Variants in ACYP2 observed in about 807,000 individuals in gnomAD.
ACYP2 encodes acylphosphatase 2, also known as acylphosphatase-2.
In ACYP2, 12 loss-of-function variants were observed where a neutral mutation model predicts 11.2. The observed-to-expected ratio is 1.08, with a 90% CI of 0.69 to 1.74. The LOEUF (loss-of-function observed/expected upper bound fraction) is 1.74, where lower values mean the gene tolerates loss of function less well. Among genes scored for constraint, ACYP2 ranks in the 40% most tolerant of loss-of-function variants. ACYP2 has a pLI of 0.00. For synonymous variants in ACYP2, 43 were observed against 32.2 expected (o/e 1.33, Z -1.13); for missense variants, 134 against 101.9 (o/e 1.31, Z -1.35).
At chr2:54,246,831 G>C (rs1686977402) in intron 6 of ACYP2, among the ~76,000 whole-genome samples, 1 of 151,906 alleles carries the variant, frequency 6.6e-6, no homozygotes, top group African/African-American at 2.4e-5. Flanking sequence ...AGTTACTTTG[G>C]GATCAAGGTA....
At chr2:54,256,228 G>C in intron 6 of ACYP2, 1 of 1,504,046 alleles carries the variant, frequency 6.6e-7, no homozygotes, top group Non-Finnish European at 8.9e-7. Context: ...ACACAAAATG[G>C]CGAGTAAACA....
chr2:54,025,100 A>G (rs1318894614), intron 2 of ACYP2, among the ~76,000 whole-genome samples: 1 of 152,236 alleles, frequency 6.6e-6, no homozygotes, highest in Non-Finnish European at 1.5e-5. Context: ...CAGGGACTAC[A>G]TAAACAAACG....
chr2:54,102,845 G>C (rs1572758258), intron 4 of ACYP2, among the ~76,000 whole-genome samples: 1 of 152,080 alleles, frequency 6.6e-6, no homozygotes, highest in Non-Finnish European at 1.5e-5. Flanking sequence ...AATGATTCCT[G>C]ATAGCTCCAG....
At chr2:54,253,616 A>T (rs1030156377) in intron 6 of ACYP2, 1 of 152,224 alleles carries the variant, frequency 6.6e-6, no homozygotes, top group African/African-American at 2.4e-5. Context: ...CATCATAACT[A>T]GTCAACCCAG....
chr2:54,215,279 A>C (rs997112413), intron 6 of ACYP2, among the ~76,000 whole-genome samples: 1 of 152,146 alleles, frequency 6.6e-6, no homozygotes, highest in Non-Finnish European at 1.5e-5. Flanking sequence ...GACTTCTAGT[A>C]CTATGTTGAA....
chr2:54,278,213 C>G (rs891139956), intron 6 of ACYP2, among the ~76,000 whole-genome samples: 1 of 152,190 alleles, frequency 6.6e-6, no homozygotes, highest in Non-Finnish European at 1.5e-5. Flanking sequence ...CTCCTGACCT[C>G]GTGATCCGCC....
intron 2 of ACYP2, among the ~76,000 whole-genome samples, chr2:53,974,365 G>A (rs1671360420): frequency 6.6e-6 from 1 of 152,210 alleles, no homozygotes. Flanking sequence ...GAGGAGGAAA[G>A]CAGGGAAGGA....
At chr2:54,214,153 T>C (rs536453171) in intron 6 of ACYP2, among the ~76,000 whole-genome samples, 2 of 152,334 alleles carry the variant, frequency 1.3e-5, no homozygotes, top group South Asian at 2.1e-4. Context: ...CTTTGTTGGA[T>C]GCATAATTTG....
chr2:54,228,198 A>G (rs1686088179), intron 6 of ACYP2, among the ~76,000 whole-genome samples: 1 of 152,228 alleles, frequency 6.6e-6, no homozygotes, highest in Non-Finnish European at 1.5e-5. Flanking sequence ...ACATTTAAGT[A>G]TGGAAGTGGA....
At chr2:53,994,112 C>T (rs866105958) in intron 2 of ACYP2, among the ~76,000 whole-genome samples, 6 of 151,994 alleles carry the variant, frequency 3.9e-5, no homozygotes, top group African/African-American at 7.2e-5. Context: ...GGGCGGATCC[C>T]GAGGTCAGGA....
intron 2 of ACYP2, among the ~76,000 whole-genome samples, chr2:53,999,743 C>CA (rs1334704325): frequency 6.6e-6 from 1 of 152,156 alleles, no homozygotes; most frequent in East Asian, 1.9e-4. Flanking sequence ...TCTCACATTT[C>CA]AGAGAGCTTG....
intron 2 of ACYP2, among the ~76,000 whole-genome samples, chr2:54,017,775 G>T (rs6711105): frequency 0.46 from 69,475 of 151,988 alleles, 16,081 homozygotes; most frequent in South Asian, 0.54. Context: ...GCATCTCACA[G>T]GCTACTGTAT....
chr2:54,024,661 C>G (rs2161083), intron 2 of ACYP2, among the ~76,000 whole-genome samples: 1 of 152,004 alleles, frequency 6.6e-6, no homozygotes, highest in East Asian at 1.9e-4. Context: ...GAAAGCATTA[C>G]CCCTGAAAAC....
chr2:54,250,218 G>A (rs1340155845), intron 6 of ACYP2, among the ~76,000 whole-genome samples: 8 of 152,170 alleles, frequency 5.3e-5, no homozygotes, highest in African/African-American at 7.2e-5. Flanking sequence ...GGTGGCTCAC[G>A]CTATAATCCC....
At chr2:54,255,339 G>C (rs777341981) in intron 6 of ACYP2, 7 of 1,614,002 alleles carry the variant, frequency 4.3e-6, no homozygotes, top group Non-Finnish European at 5.9e-6. Context: ...TTAACATCTC[G>C]GCATCTTGGC....
At chr2:54,034,905 G>A (rs1047243045) in intron 2 of ACYP2, among the ~76,000 whole-genome samples, 1 of 150,956 alleles carries the variant, frequency 6.6e-6, no homozygotes, top group Non-Finnish European at 1.5e-5. Context: ...AGCTACTCAG[G>A]AGGCTGAGGC....
intron 6 of ACYP2, among the ~76,000 whole-genome samples, chr2:54,207,915 C>A (rs1471728782): frequency 1.3e-5 from 2 of 152,124 alleles, no homozygotes; most frequent in African/African-American, 4.8e-5. Flanking sequence ...AGAAGAGCGG[C>A]CAAAATGTAG....
chr2:54,015,675 A>ACC (rs1383837633), intron 2 of ACYP2, among the ~76,000 whole-genome samples: 1 of 151,748 alleles, frequency 6.6e-6, no homozygotes, highest in Admixed American at 6.6e-5. Context: ...ACACACACAC[A>ACC]CACACACACA....
intron 5 of ACYP2, among the ~76,000 whole-genome samples, chr2:54,138,372 C>A (rs1681388903): frequency 6.6e-6 from 1 of 152,110 alleles, no homozygotes; most frequent in African/African-American, 2.4e-5. Context: ...GGAACTGTTT[C>A]TGAAATAATT....
Sources: gnomAD v4.1 joint callset for allele counts (sites outside exome capture counted in the v4.1 genomes callset) on GRCh38, gnomAD v4.1.1 for gene constraint, MANE v1.5 for transcripts, NCBI Gene and HGNC (gene_info 2026-07-23, HGNC 2026-07-21) for gene names.